Variants in DPYD observed in about 807,000 individuals in gnomAD.
The protein encoded by DPYD is dihydropyrimidine dehydrogenase.
In DPYD, 109 loss-of-function variants were observed where a neutral mutation model predicts 116.2. The ratio of observed to expected loss-of-function variants is 0.94; its 90% CI spans 0.80 to 1.10. DPYD has a LOEUF of 1.10. Among genes scored for constraint, DPYD ranks in the 50% least tolerant of loss-of-function variants. The pLI, the probability that DPYD is intolerant of heterozygous loss-of-function variation, is 0.00. For synonymous variants in DPYD, 440 were observed against 432.0 expected, an observed-to-expected ratio of 1.02 and a Z score of -0.23; for missense variants, 1,302 against 1,254.5, an observed-to-expected ratio of 1.04 and a Z score of -0.57.
chr1:97,181,601 T>G (rs1352012941), intron 20 of DPYD, among the ~76,000 whole-genome samples: 1 of 152,236 alleles, frequency 6.6e-6, no homozygotes, highest in Non-Finnish European at 1.5e-5. Flanking sequence ...GCTAGTAAAA[T>G]CATGGTGTCA....
chr1:97,721,793 G>T, intron 4 of DPYD, 122 bp from the exon 5 acceptor site: 1 of 943,190 alleles, frequency 1.1e-6, no homozygotes, highest in Non-Finnish European at 1.6e-6. Context: ...TGTATAAGAT[G>T]CATAGGTTTC....
intron 12 of DPYD, chr1:97,547,075 T>G (rs1650932942): frequency 1.1e-5 from 11 of 963,856 alleles, no homozygotes; most frequent in Non-Finnish European, 1.7e-6. Context: ...GAGGTGTAGT[T>G]TTTTTACTCT....
intron 13 of DPYD, among the ~76,000 whole-genome samples, chr1:97,488,697 G>A (rs1678793168): frequency 6.6e-6 from 1 of 152,094 alleles, no homozygotes; most frequent in Non-Finnish European, 1.5e-5. Context: ...CTTTCCACAA[G>A]ACAAGACATG....
chr1:97,446,339 G>A (rs1021277707), intron 14 of DPYD, among the ~76,000 whole-genome samples: 2 of 152,090 alleles, frequency 1.3e-5, no homozygotes, highest in African/African-American at 4.8e-5. Context: ...CCCAAGCTTC[G>A]CCAGAGTGCC....
At chr1:97,870,106 T>C (rs1671583041) in intron 2 of DPYD, among the ~76,000 whole-genome samples, 1 of 151,848 alleles carries the variant, frequency 6.6e-6, no homozygotes, top group Non-Finnish European at 1.5e-5. Context: ...ACTGATTCAA[T>C]TTGCAAATGC....
At chr1:97,643,231 T>C (rs1658042149) in intron 8 of DPYD, among the ~76,000 whole-genome samples, 1 of 152,048 alleles carries the variant, frequency 6.6e-6, no homozygotes, top group African/African-American at 2.4e-5. Flanking sequence ...CTTAAACAAA[T>C]TTATAAGAAA....
At chr1:97,357,940 T>C (rs535350557) in intron 16 of DPYD, among the ~76,000 whole-genome samples, 119 of 152,228 alleles carry the variant, frequency 7.8e-4, no homozygotes, top group African/African-American at 2.7e-3. Flanking sequence ...GTTCATCTCA[T>C]TGGGACTGGT....
chr1:97,163,756 C>A (rs978728863), intron 20 of DPYD, among the ~76,000 whole-genome samples: 2 of 152,146 alleles, frequency 1.3e-5, no homozygotes, highest in African/African-American at 4.8e-5. Context: ...TTGGAGCCCT[C>A]ATGACTTAAT....
At chr1:97,811,586 G>A (rs753402751) in intron 3 of DPYD, among the ~76,000 whole-genome samples, 1 of 152,054 alleles carries the variant, frequency 6.6e-6, no homozygotes, top group South Asian at 2.1e-4. Flanking sequence ...TCATAGATTA[G>A]ATCTCAGCCC....
In DPYD at chr1:97,287,510, T is replaced by C. The variant is rs562325706; in HGVS notation, c.2299+17749A>G. Among the ~76,000 whole-genome samples, 398 of 152,306 alleles carry C rather than the reference T, an allele frequency of 2.6e-3. 2 individuals are homozygous for C. Among genetic ancestry groups the C allele is most frequent in the African/African-American group, 9.0e-3 (376 of 41,592 alleles). ...CAGAGGTTACTGCTGTCTTTTTGTT[T>C]GTCTGTGCCCTGCCCCCAGAGGTGG... is the stretch of plus-strand genomic sequence containing the variant. On this transcript the variant is annotated intron_variant, in intron 18 of 22. Transcript: ENST00000370192.
intron 11 of DPYD, among the ~76,000 whole-genome samples, chr1:97,565,331 T>C (rs770424384): frequency 6.6e-6 from 1 of 152,128 alleles, no homozygotes; most frequent in Non-Finnish European, 1.5e-5. Flanking sequence ...TAACACCTGC[T>C]AGAATTACCT....
intron 20 of DPYD, among the ~76,000 whole-genome samples, chr1:97,154,648 T>A (rs776746271): frequency 6.0e-5 from 9 of 151,254 alleles, no homozygotes; most frequent in Non-Finnish European, 1.3e-4. Flanking sequence ...GGGGTTGATG[T>A]TGCAGTCAGC....
At chr1:97,547,150 G>A (rs1650957717) in intron 12 of DPYD, among the ~76,000 whole-genome samples, 1 of 151,922 alleles carries the variant, frequency 6.6e-6, no homozygotes, top group African/African-American at 2.4e-5. Context: ...AAATGTTAAG[G>A]CTTACTGAAA....
At chr1:97,595,377 G>A (rs370369554) in intron 8 of DPYD, among the ~76,000 whole-genome samples, 36 of 151,876 alleles carry the variant, frequency 2.4e-4, no homozygotes, top group South Asian at 8.3e-4. Flanking sequence ...AGTACACATC[G>A]TAAATCACAC....
intron 11 of DPYD, among the ~76,000 whole-genome samples, chr1:97,571,018 TG>T (rs1191895365): frequency 6.6e-6 from 1 of 152,026 alleles, no homozygotes; most frequent in East Asian, 1.9e-4. Flanking sequence ...TAGTGCCTAC[TG>T]TAAGTCTAGC....
intron 18 of DPYD, among the ~76,000 whole-genome samples, chr1:97,299,769 T>C (rs920899717): frequency 5.3e-5 from 8 of 152,084 alleles, no homozygotes; most frequent in African/African-American, 1.7e-4. Context: ...GAAGCAAACA[T>C]GAACAGTGAA....
intron 12 of DPYD, among the ~76,000 whole-genome samples, chr1:97,547,984 C>G (rs1013394329): frequency 6.6e-4 from 100 of 152,076 alleles, no homozygotes; most frequent in African/African-American, 2.4e-3. Context: ...ATAAGTAGGT[C>G]CTGCATTAGT....
intron 12 of DPYD, among the ~76,000 whole-genome samples, chr1:97,538,192 A>T (rs78509484): frequency 0.025 from 3,867 of 152,182 alleles, 167 homozygotes; most frequent in African/African-American, 0.089. Context: ...TAACGAATCC[A>T]CCAAAAGGAA....
rs185580389 is a variant in DPYD, at chr1:97,367,025, G to A, written c.2058+6536C>T. Among the ~76,000 whole-genome samples the A allele has an allele frequency of 1.1e-4, 16 of 152,114 alleles. No individual in the cohort carries two copies. In the East Asian group the frequency reaches 3.1e-3, roughly 30 times the overall value. ...ATCTATGGGGGTCTGATCCAAGCAGGGCTGTGGTCATTGCTCCCTGGACAC... is the reference window on the plus strand; with the variant it reads ...ATCTATGGGGGTCTGATCCAAGCAGAGCTGTGGTCATTGCTCCCTGGACAC... On this transcript the variant is annotated intron_variant, in intron 16 of 22. Transcript: ENST00000370192.
Sources: allele counts gnomAD v4.1 joint callset (sites outside exome capture counted in the v4.1 genomes callset), GRCh38; gene constraint gnomAD v4.1.1; transcripts MANE v1.5; gene names NCBI Gene and HGNC (gene_info 2026-07-23, HGNC 2026-07-21).